The following NRXN3 variants were observed in gnomAD, a reference collection of about 807,000 sequenced individuals.
The protein encoded by NRXN3 is neurexin III.
A neutral mutation model predicts 137.6 loss-of-function variants in NRXN3; 32 were observed. The ratio of observed to expected loss-of-function variants is 0.23; its 90% CI spans 0.18 to 0.31. NRXN3 has a LOEUF of 0.31. Ranked by LOEUF, NRXN3 falls within the 10% of genes least tolerant of loss-of-function variation. NRXN3 has a pLI of 1.00. For synonymous variants in NRXN3, 798 were observed against 784.5 expected, an observed-to-expected ratio of 1.02 and a Z score of -0.29; for missense variants, 1,574 against 2,062.5, an observed-to-expected ratio of 0.76 and a Z score of 4.59.
chr14:79,427,818 G>A (rs1263317976), intron 15 of NRXN3, among the ~76,000 whole-genome samples: 18 of 142,830 alleles, frequency 1.3e-4, no homozygotes, highest in African/African-American at 3.6e-4. Flanking sequence ...GCGACAGAGC[G>A]AGACTCCATC....
chr14:79,323,585 C>T lies in NRXN3; in HGVS notation c.3263-143636C>T, dbSNP rs143864881. ...TTAATATTTTATATAGTAGGCCGGG[C>T]GTGGTGGCTCACGCCTGTAATCCCA... On this transcript the variant is annotated intron_variant, in intron 15 of 20. Transcript: ENST00000335750. 5.3e-3 allele frequency among the ~76,000 whole-genome samples: 810 copies of T among 152,222 alleles called. 6 individuals carry two copies. The highest frequency in any genetic ancestry group is 0.018 in the African/African-American group (762 of 41,526).
At chr14:79,032,835 C>A (rs1272000336) in intron 15 of NRXN3, among the ~76,000 whole-genome samples, 1 of 152,064 alleles carries the variant, frequency 6.6e-6, no homozygotes, top group Non-Finnish European at 1.5e-5. Context: ...TCTCTTTGCC[C>A]TGGAGCAAGT....
chr14:79,455,972 A>G (rs868659829), intron 15 of NRXN3, among the ~76,000 whole-genome samples: 18 of 151,990 alleles, frequency 1.2e-4, no homozygotes, highest in African/African-American at 3.6e-4. Flanking sequence ...ATTATTTGAG[A>G]CATTTTCTTC....
At position 78,225,974 on chromosome 14, in the gene NRXN3, G is replaced by GTTGGTGT. The variant is rs1394081828; in HGVS notation, c.-703-16417_-703-16416insTTGGTGT. ...TTTGGTGTGTGTGTGTGTGTGTGTT[G>GTTGGTGT]GTGTGTGTGTGTGTGTGTGTGTGTG... On this transcript the variant is annotated intron_variant, in intron 1 of 20. Coordinates refer to ENST00000335750, the MANE Select transcript of NRXN3 (RefSeq NM_001330195.2). Among the ~76,000 whole-genome samples, 749 of 123,672 alleles carry GTTGGTGT rather than the reference G, an allele frequency of 6.1e-3. 6 individuals are homozygous for GTTGGTGT. The highest frequency in any genetic ancestry group is 0.019 in the East Asian group (78 of 4,100). 81.1% of individuals were successfully genotyped at this position (123,672 alleles called of 152,430 possible).
chr14:79,019,498 G>A (rs2099585129), intron 15 of NRXN3, among the ~76,000 whole-genome samples: 1 of 152,092 alleles, frequency 6.6e-6, no homozygotes, highest in Non-Finnish European at 1.5e-5. Context: ...GAAAGAAAAG[G>A]GCCAGGGATA....
At chr14:79,842,259 G>A (rs930668200) in intron 20 of NRXN3, among the ~76,000 whole-genome samples, 2 of 152,192 alleles carry the variant, frequency 1.3e-5, no homozygotes, top group African/African-American at 4.8e-5. Context: ...AATAAATACT[G>A]TGCAGAGAAT....
chr14:79,269,909 G>T (rs2079050573), intron 15 of NRXN3, among the ~76,000 whole-genome samples: 3 of 152,290 alleles, frequency 2.0e-5, no homozygotes, highest in Non-Finnish European at 4.4e-5. Flanking sequence ...CAACAATACT[G>T]CTTAGTCTTG....
At chr14:79,322,423 T>A (rs527416084) in intron 15 of NRXN3, among the ~76,000 whole-genome samples, 26 of 152,270 alleles carry the variant, frequency 1.7e-4, no homozygotes, top group Non-Finnish European at 3.7e-4. Context: ...TCTGGAACCA[T>A]GAAGTGAAAT....
chr14:79,736,061 C>T (rs1395942142), intron 19 of NRXN3, among the ~76,000 whole-genome samples: 1 of 152,290 alleles, frequency 6.6e-6, no homozygotes, highest in Non-Finnish European at 1.5e-5. Flanking sequence ...GATGGCATCA[C>T]CACTTACATT....
At chr14:78,276,043 A>G (rs1360663096) in intron 2 of NRXN3, among the ~76,000 whole-genome samples, 1 of 152,222 alleles carries the variant, frequency 6.6e-6, no homozygotes, top group East Asian at 1.9e-4. Flanking sequence ...TAAAGTTGGA[A>G]TAATGCTCAG....
intron 19 of NRXN3, among the ~76,000 whole-genome samples, chr14:79,781,831 C>T (rs1452081855): frequency 6.6e-6 from 1 of 152,160 alleles, no homozygotes; most frequent in Non-Finnish European, 1.5e-5. Flanking sequence ...TTTACTGGGG[C>T]TACTTATCAA....
At chr14:78,984,436 G>C (rs1456473695) in intron 14 of NRXN3, among the ~76,000 whole-genome samples, 1 of 152,172 alleles carries the variant, frequency 6.6e-6, no homozygotes, top group Non-Finnish European at 1.5e-5. Flanking sequence ...AAGAGTAAAA[G>C]TTCTGCTAAT....
intron 15 of NRXN3, among the ~76,000 whole-genome samples, chr14:79,390,271 C>T (rs948291413): frequency 3.8e-4 from 57 of 149,568 alleles, no homozygotes; most frequent in African/African-American, 7.6e-4. Flanking sequence ...GAGTAGAGAT[C>T]GCGCCACTGC....
rs180818378 is a variant in NRXN3, at chr14:79,361,521, A to G, written c.3263-105700A>G. Among the ~76,000 whole-genome samples, 667 of 152,188 alleles carry G rather than the reference A, an allele frequency of 4.4e-3. 4 individuals carry two copies. Among genetic ancestry groups the G allele is most frequent in the Non-Finnish European group, 7.7e-3 (526 of 68,012 alleles). On this transcript the variant is annotated intron_variant, in intron 15 of 20. Coordinates refer to ENST00000335750, the MANE Select transcript of NRXN3 (RefSeq NM_001330195.2). The stretch of plus-strand genomic sequence containing the variant: ...CACTTGAGGTCAGGAGTTTGAGACT[A>G]GCCTGGCCAACATGGTGACACCCCG...
At chr14:79,775,021 T>C (rs1281117542) in intron 19 of NRXN3, among the ~76,000 whole-genome samples, 1 of 152,050 alleles carries the variant, frequency 6.6e-6, no homozygotes, top group East Asian at 1.9e-4. Context: ...TTAAATGGAA[T>C]GGTGACGTAG....
At chr14:79,377,149 A>G (rs1358166223) in intron 15 of NRXN3, among the ~76,000 whole-genome samples, 3 of 152,240 alleles carry the variant, frequency 2.0e-5, no homozygotes, top group African/African-American at 4.8e-5. Flanking sequence ...TGTTTACTTA[A>G]GAAGAGATAG....
intron 16 of NRXN3, among the ~76,000 whole-genome samples, chr14:79,475,781 G>T (rs1275104219): frequency 1.3e-5 from 2 of 152,014 alleles, no homozygotes; most frequent in Admixed American, 1.3e-4. Context: ...CTTTAATCAG[G>T]CCTCTGAAAT....
At chr14:78,723,794 AT>A (rs4016660) in intron 8 of NRXN3, among the ~76,000 whole-genome samples, 80 of 151,980 alleles carry the variant, frequency 5.3e-4, no homozygotes, top group East Asian at 2.7e-3. Context: ...TTTTTACTCC[AT>A]TTTTTTTTTT....
intron 19 of NRXN3, among the ~76,000 whole-genome samples, chr14:79,777,218 A>C (rs2099099769): frequency 6.6e-6 from 1 of 152,220 alleles, no homozygotes; most frequent in Non-Finnish European, 1.5e-5. Flanking sequence ...CCTTCTTTAA[A>C]GTACAAAATA....
Sources: gnomAD v4.1 joint callset for allele counts (sites outside exome capture counted in the v4.1 genomes callset) on GRCh38, gnomAD v4.1.1 for gene constraint, MANE v1.5 for transcripts, NCBI Gene and HGNC (gene_info 2026-07-23, HGNC 2026-07-21) for gene names.